The following PRKN variants were observed in gnomAD, a reference collection of about 807,000 sequenced individuals.
PRKN encodes the protein parkin RBR E3 ubiquitin protein ligase.
PRKN carries 56 observed loss-of-function variants against 59.5 expected under a neutral mutation model. The observed-to-expected ratio is 0.94, with a 90% CI of 0.76 to 1.18. The LOEUF (loss-of-function observed/expected upper bound fraction) is 1.18. Among genes scored for constraint, PRKN ranks in the 50% most tolerant of loss-of-function variants. The pLI is 0.00. For missense variants in PRKN, 657 were observed against 596.4 expected (o/e 1.10, Z -1.06); for synonymous variants, 250 against 222.1 (o/e 1.13, Z -1.12).
chr6:161,924,215 C>T (rs1400111173), intron 6 of PRKN, among the ~76,000 whole-genome samples: 1 of 152,132 alleles, frequency 6.6e-6, no homozygotes, highest in Non-Finnish European at 1.5e-5. Context: ...AATCTACTTA[C>T]TGCCCCTATC....
intron 2 of PRKN, among the ~76,000 whole-genome samples, chr6:162,408,859 T>C (rs1010364259): frequency 6.6e-6 from 1 of 152,140 alleles, no homozygotes; most frequent in African/African-American, 2.4e-5. Context: ...CATTCTTCAT[T>C]CTTCGTAAAT....
rs558694133 is a variant in PRKN, at chr6:161,868,246, G to A, written c.735-82338C>T. On this transcript the variant is annotated intron_variant, in intron 6 of 11. Coordinates refer to ENST00000366898, the MANE Select transcript of PRKN (RefSeq NM_004562.3). ...CGTATAGTATACACAATTATAAGAC[G>A]CAAGATCCTAAAATAAGAGGTGATT... Among the ~76,000 whole-genome samples, 7 of 148,880 alleles carry A rather than the reference G, an allele frequency of 4.7e-5. No homozygotes were observed. In the South Asian group the frequency reaches 6.3e-4, roughly 13 times the overall value.
At chr6:161,437,475 G>C (rs1321400598) in intron 9 of PRKN, among the ~76,000 whole-genome samples, 2 of 152,182 alleles carry the variant, frequency 1.3e-5, no homozygotes, top group Non-Finnish European at 2.9e-5. Flanking sequence ...GTGAGTACCA[G>C]AGACTGCAGG....
At chr6:161,755,876 G>T (rs574187293) in intron 7 of PRKN, among the ~76,000 whole-genome samples, 1 of 152,186 alleles carries the variant, frequency 6.6e-6, no homozygotes, top group South Asian at 2.1e-4. Flanking sequence ...TCCCCTACAG[G>T]CCAGCACAAG....
chr6:161,834,770 G>A (rs981941957), intron 6 of PRKN, among the ~76,000 whole-genome samples: 1 of 152,210 alleles, frequency 6.6e-6, no homozygotes, highest in African/African-American at 2.4e-5. Flanking sequence ...ACACGCCCTG[G>A]CTCTCAGGGT....
Position 161,373,272 on chromosome 6 carries a change from C to T in PRKN, c.1168-13067G>A, listed in dbSNP as rs1216233973. The stretch of plus-strand genomic sequence containing the variant: ...CTACAAAAATACCTTCACAGCGACA[C>T]CTTGACTACTGCTGGTTCCAACAAC... On this transcript the variant is annotated intron_variant, in intron 10 of 11. Transcript: ENST00000366898. The surrounding 1 kb of genome is among the most constrained non-coding windows in gnomAD (Gnocchi z 4.8). Among the ~76,000 whole-genome samples the T allele has an allele frequency of 2.0e-5, 3 of 152,176 alleles. No homozygotes were observed. The highest frequency in any genetic ancestry group is 1.5e-5 in the Non-Finnish European group (1 of 68,040).
chr6:161,618,980 T>C (rs988290698), intron 7 of PRKN, among the ~76,000 whole-genome samples: 1 of 152,114 alleles, frequency 6.6e-6, no homozygotes, highest in Non-Finnish European at 1.5e-5. Context: ...GCAGAAGTGA[T>C]AGAAAAATGA....
In PRKN at chr6:161,363,411, A is replaced by G. The variant is rs1212069773; in HGVS notation, c.1168-3206T>C. 6.6e-6 allele frequency among the ~76,000 whole-genome samples: 1 copy of G among 152,240 alleles called. No individual in the cohort carries two copies. The highest frequency in any genetic ancestry group is 2.4e-5 in the African/African-American group (1 of 41,460). The stretch of plus-strand genomic sequence containing the variant: ...TGGACATGAAACACTAATAATTAAA[A>G]TTAGAAACTCAGTTGATGAGTTACA... On this transcript the variant is annotated intron_variant, in intron 10 of 11. Coordinates refer to ENST00000366898, the MANE Select transcript of PRKN (RefSeq NM_004562.3). The surrounding 1 kb of genome is among the most constrained non-coding windows in gnomAD (Gnocchi z 4.1).
chr6:161,438,727 G>A (rs1269395015), intron 9 of PRKN, among the ~76,000 whole-genome samples: 1 of 152,126 alleles, frequency 6.6e-6, no homozygotes, highest in Non-Finnish European at 1.5e-5. Flanking sequence ...TTAGTAAACC[G>A]TTAAGTGCTC....
intron 1 of PRKN, among the ~76,000 whole-genome samples, chr6:162,692,572 C>CT (rs769443159): frequency 1.1e-4 from 16 of 150,910 alleles, no homozygotes; most frequent in South Asian, 1.1e-3. Flanking sequence ...CAAGACAGAC[C>CT]CCCCCCAACA....
chr6:162,349,413 G>A lies in PRKN; in HGVS notation c.172-86648C>T, dbSNP rs548149676. 2.0e-5 allele frequency among the ~76,000 whole-genome samples: 3 copies of A among 152,268 alleles called. No individual in the cohort carries two copies. In the East Asian group the frequency reaches 5.8e-4, roughly 29 times the overall value. On this transcript the variant is annotated intron_variant, in intron 2 of 11. Coordinates refer to ENST00000366898, the MANE Select transcript of PRKN (RefSeq NM_004562.3). ...ACCCAGGAAGCAGAGGTTGCAGTGA[G>A]CTGAGATCGCGCCACTGCACTCCAA... is the stretch of plus-strand genomic sequence containing the variant.
rs1785285558 is a variant in PRKN, at chr6:161,680,726, C to CATACATATATATAT, written c.871+105045_871+105046insATATATATATGTAT. ...TGGGCTCTGAAAACATCCTGAAATACATATATATATATATATATATATATA... is the reference window on the plus strand; with the variant it reads ...TGGGCTCTGAAAACATCCTGAAATACATACATATATATATATATATATATATATATATATATATA... On this transcript the variant is annotated intron_variant, in intron 7 of 11. Transcript: ENST00000366898. Among the ~76,000 whole-genome samples, 6 of 51,022 alleles carry CATACATATATATAT rather than the reference C, an allele frequency of 1.2e-4. 1 individual carries two copies. In the Admixed American group the frequency reaches 1.7e-3, roughly 14 times the overall value. The allele number at this position is 51,022 out of a possible 152,430, so 33.5% of individuals were successfully genotyped here. A position where few individuals can be genotyped will look rare whatever the true frequency, so the allele number is the denominator to read the frequency against.
chr6:162,469,117 A>G (rs1416987133), intron 1 of PRKN, among the ~76,000 whole-genome samples: 2 of 152,122 alleles, frequency 1.3e-5, no homozygotes, highest in African/African-American at 4.8e-5. Flanking sequence ...ATTGTGATAT[A>G]GTGATCACAG....
chr6:161,867,766 T>TTTATTTA (rs1263116171), intron 6 of PRKN, among the ~76,000 whole-genome samples: 3 of 150,970 alleles, frequency 2.0e-5, no homozygotes, highest in African/African-American at 7.3e-5. Flanking sequence ...TATTTATTTA[T>TTTATTTA]TTATTTATTT....
At chr6:161,753,735 T>C (rs2128195590) in intron 7 of PRKN, among the ~76,000 whole-genome samples, 1 of 152,260 alleles carries the variant, frequency 6.6e-6, no homozygotes, top group South Asian at 2.1e-4. Context: ...GCAAGGCCAA[T>C]TCTCTCCTGG....
intron 7 of PRKN, among the ~76,000 whole-genome samples, chr6:161,705,031 G>A (rs144674648): frequency 0.011 from 1,632 of 152,286 alleles, 36 homozygotes; most frequent in African/African-American, 0.037. Flanking sequence ...GGTGATGCCA[G>A]CATGCAACAC....
intron 7 of PRKN, among the ~76,000 whole-genome samples, chr6:161,715,458 A>G (rs1174289083): frequency 6.6e-6 from 1 of 152,148 alleles, no homozygotes; most frequent in Non-Finnish European, 1.5e-5. Flanking sequence ...TACTCAGTGA[A>G]TATGTATCCC....
At chr6:162,320,419 C>CA (rs201106625) in intron 2 of PRKN, among the ~76,000 whole-genome samples, 1,018 of 42,690 alleles carry the variant, frequency 0.024, 14 homozygotes, top group Non-Finnish European at 0.026. Flanking sequence ...CAAAAAAAAC[C>CA]AAAAAAAAAA....
chr6:161,832,517 G>A (rs1259626835), intron 6 of PRKN, among the ~76,000 whole-genome samples: 3 of 151,366 alleles, frequency 2.0e-5, no homozygotes, highest in East Asian at 1.9e-4. Flanking sequence ...TCAGCTACTC[G>A]GGAGGCTGAG....
Sources: gnomAD v4.1 joint callset for allele counts (sites outside exome capture counted in the v4.1 genomes callset) on GRCh38, gnomAD v4.1.1 for gene constraint, Gnocchi (gnomAD v3.1) non-coding constraint, MANE v1.5 for transcripts, NCBI Gene and HGNC (gene_info 2026-07-23, HGNC 2026-07-21) for gene names.